Variants in FGFR2 observed in about 807,000 individuals in gnomAD.
FGFR2 encodes the protein fibroblast growth factor receptor 2, also known as BEK fibroblast growth factor receptor.
Under a neutral mutation model 95.9 loss-of-function variants are expected in FGFR2, and 19 were observed. That is an observed-to-expected ratio of 0.20 (90% CI 0.14 to 0.29). The LOEUF is 0.29. Ranked by LOEUF, FGFR2 falls within the 10% of genes least tolerant of loss-of-function variation. FGFR2 has a pLI of 1.00. For synonymous variants in FGFR2, 392 were observed against 393.3 expected (o/e 1.00, Z 0.04); for missense variants, 707 against 1,056.9 (o/e 0.67, Z 4.59).
At chr10:121,542,592 C>T (rs1458729920) in intron 5 of FGFR2, among the ~76,000 whole-genome samples, 3 of 152,192 alleles carry the variant, frequency 2.0e-5, no homozygotes, top group African/African-American at 7.2e-5. Context: ...TGCCAAGTAA[C>T]AGAACAGGAG....
intron 13 of FGFR2, among the ~76,000 whole-genome samples, chr10:121,488,824 C>T (rs1186842744): frequency 6.6e-6 from 1 of 152,144 alleles, no homozygotes; most frequent in East Asian, 1.9e-4. Context: ...TGCTCTCCTG[C>T]CCTTTAAACC....
rs762545440 is a variant in FGFR2, at chr10:121,496,548, T to C, written c.1847A>G (p.Tyr616Cys). ...AAGACTCACTTTTTGGGAAGCCAAGTACTCCATGCCTCTGGCCAGCTGGTA... is the reference window on the plus strand; with the variant it reads ...AAGACTCACTTTTTGGGAAGCCAAGCACTCCATGCCTCTGGCCAGCTGGTA... ...CTYQLARGME[Y>C]LASQKCIHRD... Residue 616 changes from tyrosine to cysteine, a missense_variant, in exon 13 of 18, where the codon TAC becomes TGC. Around this residue, in one of 7 missense-constraint regions of FGFR2, gnomAD observed 104 missense variants for 214.2 expected, o/e 0.49. Transcript: ENST00000358487. 2 of 1,614,156 alleles carry C rather than the reference T, an allele frequency of 1.2e-6. No individual in the cohort carries two copies. Among genetic ancestry groups the C allele is most frequent in the Admixed American group, 1.7e-5 (1 of 60,024 alleles).
intron 5 of FGFR2, among the ~76,000 whole-genome samples, chr10:121,544,648 G>A (rs1854255568): frequency 6.6e-6 from 1 of 152,056 alleles, no homozygotes; most frequent in South Asian, 2.1e-4. Flanking sequence ...GTAGGTTAGA[G>A]GTTACCAGGT....
intron 2 of FGFR2, among the ~76,000 whole-genome samples, chr10:121,567,576 C>T (rs1019007920): frequency 6.6e-6 from 1 of 152,124 alleles, no homozygotes. Flanking sequence ...GGGTGACAGA[C>T]GATAGATACA....
chr10:121,518,870 A>G lies in FGFR2; in HGVS notation c.939+1109T>C. 1 of 1,613,460 alleles carries G rather than the reference A, an allele frequency of 6.2e-7. No individual in the cohort carries two copies. The highest frequency in any genetic ancestry group is 1.1e-5 in the South Asian group (1 of 91,040). The stretch of plus-strand genomic sequence containing the variant: ...GAGAACAATATAACGGCCAACCAGG[A>G]AGGTCTTAGCATTGTCTATGGTCCC... On this transcript the variant is annotated intron_variant, in intron 7 of 17. Coordinates refer to ENST00000358487, the MANE Select transcript of FGFR2 (RefSeq NM_000141.5). The surrounding 1 kb of genome is among the most constrained non-coding windows in gnomAD (Gnocchi z 4.0).
At chr10:121,501,395 C>T (rs1384219706) in intron 10 of FGFR2, among the ~76,000 whole-genome samples, 1 of 152,040 alleles carries the variant, frequency 6.6e-6, no homozygotes, top group Non-Finnish European at 1.5e-5. Flanking sequence ...CATTCCTTGC[C>T]AAGTTACAGG....
chr10:121,519,735 C>T (rs544665792), intron 7 of FGFR2, among the ~76,000 whole-genome samples: 96 of 152,364 alleles, frequency 6.3e-4, no homozygotes, highest in Non-Finnish European at 1.1e-3. Flanking sequence ...AATAGCTGAA[C>T]TATTCTCTCT....
intron 9 of FGFR2, among the ~76,000 whole-genome samples, chr10:121,506,115 G>A (rs2134097449): frequency 6.6e-6 from 1 of 152,188 alleles, no homozygotes; most frequent in Non-Finnish European, 1.5e-5. Context: ...TCAGCACTTT[G>A]GGAGGAGGAA....
chr10:121,568,310 C>T (rs907947266), intron 2 of FGFR2, among the ~76,000 whole-genome samples: 1 of 152,168 alleles, frequency 6.6e-6, no homozygotes, highest in African/African-American at 2.4e-5. Flanking sequence ...AGGTCTCCAA[C>T]AACTCATTGC....
At chr10:121,562,709 C>T (rs1405987883) in intron 4 of FGFR2, among the ~76,000 whole-genome samples, 2 of 152,310 alleles carry the variant, frequency 1.3e-5, no homozygotes, top group East Asian at 1.9e-4. Context: ...TTACATGCAT[C>T]TTACTAAGTC....
intron 5 of FGFR2, among the ~76,000 whole-genome samples, chr10:121,547,801 G>A (rs1854741444): frequency 6.6e-6 from 1 of 152,164 alleles, no homozygotes; most frequent in Non-Finnish European, 1.5e-5. Flanking sequence ...GCCCCAACAA[G>A]GACTCTCTGA....
At chr10:121,591,209 G>A (rs1229374788) in intron 2 of FGFR2, among the ~76,000 whole-genome samples, 1 of 152,204 alleles carries the variant, frequency 6.6e-6, no homozygotes, top group East Asian at 1.9e-4. Flanking sequence ...AACAGATGAG[G>A]GGAAGTGGGG....
At chr10:121,525,780 C>G (rs1161761258) in intron 6 of FGFR2, among the ~76,000 whole-genome samples, 2 of 152,156 alleles carry the variant, frequency 1.3e-5, no homozygotes, top group South Asian at 2.1e-4. Context: ...TCTGACATAG[C>G]AAAGGCCATA....
chr10:121,535,993 G>A (rs1233499828), intron 6 of FGFR2, among the ~76,000 whole-genome samples: 3 of 152,190 alleles, frequency 2.0e-5, no homozygotes. Flanking sequence ...AAAGAATGTG[G>A]GCAAGAATGG....
Position 121,500,198 on chromosome 10 carries a change from G to A in FGFR2, c.1561+628C>T, listed in dbSNP as rs187964289. Among the ~76,000 whole-genome samples the A allele has an allele frequency of 1.0e-3, 154 of 152,338 alleles. 1 individual carries two copies. Among genetic ancestry groups the A allele is most frequent in the African/African-American group, 2.9e-3 (122 of 41,586 alleles). ...TAAGTTCTTTGGACATGGGCATGAAGCAGGGTTGGAAGGTTAACGTAGAAG... is the reference window on the plus strand; with the variant it reads ...TAAGTTCTTTGGACATGGGCATGAAACAGGGTTGGAAGGTTAACGTAGAAG... On this transcript the variant is annotated intron_variant, in intron 11 of 17. Coordinates refer to ENST00000358487, the MANE Select transcript of FGFR2 (RefSeq NM_000141.5).
At chr10:121,590,433 C>T (rs963301400) in intron 2 of FGFR2, among the ~76,000 whole-genome samples, 1 of 152,086 alleles carries the variant, frequency 6.6e-6, no homozygotes, top group South Asian at 2.1e-4. Context: ...TTGAGGACTG[C>T]CCCCCTTCGA....
chr10:121,577,187 A>AGAGAGAGAGAGAGAGAGG (rs1860015527), intron 2 of FGFR2, among the ~76,000 whole-genome samples: 7 of 118,100 alleles, frequency 5.9e-5, no homozygotes, highest in African/African-American at 2.1e-4. Flanking sequence ...ATAGAGAGAG[A>AGAGAGAGAGAGAGAGAGG]GAGAGAGAGA....
At chr10:121,487,880 G>A (rs1244024049) in intron 14 of FGFR2, 111 bp downstream of exon 14, 3 of 1,363,090 alleles carry the variant, frequency 2.2e-6, no homozygotes, top group East Asian at 2.3e-5. Flanking sequence ...CGGGGCAGGG[G>A]AATGGGTCCC....
At chr10:121,585,830 T>C (rs1861739515) in intron 2 of FGFR2, among the ~76,000 whole-genome samples, 2 of 152,254 alleles carry the variant, frequency 1.3e-5, no homozygotes, top group East Asian at 3.8e-4. Flanking sequence ...CAGTTGTGCG[T>C]CTATTGCAGC....
Sources: gnomAD v4.1 joint callset for allele counts (sites outside exome capture counted in the v4.1 genomes callset) on GRCh38, gnomAD v4.1.1 for gene constraint, gnomAD v4.1.1 regional missense constraint, Gnocchi (gnomAD v3.1) non-coding constraint, MANE v1.5 for transcripts, NCBI Gene and HGNC (gene_info 2026-07-23, HGNC 2026-07-21) for gene names.